MTUS2: variants seen among roughly 807,000 people sequenced by gnomAD.
MTUS2 encodes the protein microtubule-associated tumor suppressor candidate 2.
MTUS2 carries 40 observed loss-of-function variants against 114.1 expected under a neutral mutation model. The ratio of observed to expected loss-of-function variants is 0.35; its 90% confidence interval spans 0.27 to 0.46. MTUS2 has a LOEUF of 0.46. Among genes scored for constraint, MTUS2 ranks in the 20% least tolerant of loss-of-function variants. The pLI is 1.00. For missense variants in MTUS2, 1,679 were observed against 1,705.4 expected (o/e 0.98, Z 0.27); for synonymous variants, 688 against 672.0 (o/e 1.02, Z -0.37).
chr13:29,229,396 A>G (rs1896236852), intron 5 of MTUS2, among the ~76,000 whole-genome samples: 1 of 152,204 alleles, frequency 6.6e-6, no homozygotes, highest in African/African-American at 2.4e-5. Flanking sequence ...TTCAGGGTCA[A>G]GGACACTTTT....
intron 5 of MTUS2, among the ~76,000 whole-genome samples, chr13:29,238,002 C>T (rs1026091240): frequency 4.6e-5 from 7 of 152,138 alleles, no homozygotes; most frequent in African/African-American, 1.7e-4. Context: ...TTATGGATAA[C>T]AGTATGGAGG....
rs544886750 is a variant in MTUS2, at chr13:29,075,946, C to A, written c.2447-24827C>A. Among the ~76,000 whole-genome samples the A allele has an allele frequency of 3.3e-5, 5 of 152,296 alleles. No homozygotes were observed. The South Asian group carries it at 1.0e-3, about 32-fold the overall frequency. On this transcript the variant is annotated intron_variant, in intron 4 of 15. Coordinates refer to ENST00000612955, the MANE Select transcript of MTUS2 (RefSeq NM_001033602.4). ...TCTTTAGCTTATCCTTCTACTCTTA[C>A]ACTTTACCAGAAGAGTGAGAAGAAG...
chr13:29,376,063 A>G (rs1270668170), intron 8 of MTUS2, among the ~76,000 whole-genome samples: 3 of 151,890 alleles, frequency 2.0e-5, no homozygotes, highest in Non-Finnish European at 4.4e-5. Flanking sequence ...GTGTGTGTAT[A>G]TATATTTATT....
chr13:29,440,521 G>A (rs537561512), intron 9 of MTUS2, among the ~76,000 whole-genome samples: 109 of 152,212 alleles, frequency 7.2e-4, no homozygotes, highest in African/African-American at 2.4e-3. Flanking sequence ...CTGATGAAAC[G>A]GTTTGGTTCA....
At chr13:28,971,531 CAGTA>C (rs1214808063) in intron 2 of MTUS2, among the ~76,000 whole-genome samples, 2 of 152,100 alleles carry the variant, frequency 1.3e-5, no homozygotes, top group East Asian at 3.8e-4. Context: ...AGGACTTCAA[CAGTA>C]AGAGCTATAT....
rs968606879 is a variant in MTUS2 at position 29,175,545 on chromosome 13, C to T, written c.2644+74575C>T. On this transcript the variant is annotated intron_variant, in intron 5 of 15. Transcript: ENST00000612955. ...CCTGTGTAGATATCTGTCATTACTGCTTTGTGCTGACCATCAGTGACTTTG... is the reference window on the plus strand; with the variant it reads ...CCTGTGTAGATATCTGTCATTACTGTTTTGTGCTGACCATCAGTGACTTTG... 3.1e-4 allele frequency among the ~76,000 whole-genome samples: 47 copies of T among 151,194 alleles called. 1 individual carries two copies. Among genetic ancestry groups the T allele is most frequent in the Admixed American group, 2.6e-3 (40 of 15,166 alleles).
At chr13:29,394,541 T>C (rs919456554) in intron 8 of MTUS2, among the ~76,000 whole-genome samples, 1 of 152,134 alleles carries the variant, frequency 6.6e-6, no homozygotes, top group South Asian at 2.1e-4. Flanking sequence ...AGAGAATACA[T>C]GGTAAATGTC....
intron 2 of MTUS2, among the ~76,000 whole-genome samples, chr13:28,901,764 AT>A (rs1052688661): frequency 1.3e-5 from 2 of 152,180 alleles, no homozygotes; most frequent in African/African-American, 4.8e-5. Context: ...TACTGTAGCA[AT>A]AAAGTAAGTC....
chr13:28,983,529 A>G (rs1363753694), intron 2 of MTUS2, among the ~76,000 whole-genome samples: 1 of 152,256 alleles, frequency 6.6e-6, no homozygotes, highest in Non-Finnish European at 1.5e-5. Context: ...GGTCAATGAA[A>G]TGTATTATTA....
chr13:28,945,908 A>G (rs1160582860), intron 2 of MTUS2, among the ~76,000 whole-genome samples: 1 of 152,206 alleles, frequency 6.6e-6, no homozygotes, highest in East Asian at 1.9e-4. Context: ...AATGTCCAGA[A>G]GAGTTTTCTG....
intron 9 of MTUS2, among the ~76,000 whole-genome samples, chr13:29,457,039 G>C (rs193054725): frequency 6.6e-6 from 1 of 151,870 alleles, no homozygotes; most frequent in East Asian, 1.9e-4. Flanking sequence ...CAGCTACTCG[G>C]GAGGCTGAGG....
chr13:29,290,371 C>T (rs1265402832), intron 6 of MTUS2, among the ~76,000 whole-genome samples: 3 of 152,076 alleles, frequency 2.0e-5, no homozygotes, highest in Non-Finnish European at 4.4e-5. Flanking sequence ...GCTCTGTCTC[C>T]CAGGCTGGAG....
chr13:29,499,896 C>G (rs1882777018), intron 14 of MTUS2, among the ~76,000 whole-genome samples: 1 of 152,260 alleles, frequency 6.6e-6, no homozygotes, highest in African/African-American at 2.4e-5. Flanking sequence ...CGCCAAGATT[C>G]TGGGCGATGC....
At chr13:29,008,817 A>AT (rs1240120173) in intron 2 of MTUS2, among the ~76,000 whole-genome samples, 5 of 151,260 alleles carry the variant, frequency 3.3e-5, no homozygotes, top group South Asian at 2.1e-4. Context: ...GCATATTGTA[A>AT]TTTTTTTTCT....
intron 4 of MTUS2, among the ~76,000 whole-genome samples, chr13:29,093,227 G>A (rs1206156361): frequency 1.3e-5 from 2 of 152,150 alleles, no homozygotes; most frequent in African/African-American, 4.8e-5. Context: ...GGCAGATCAC[G>A]AGGTCAAGAG....
At chr13:28,831,782 A>T (rs970213510) in intron 1 of MTUS2, among the ~76,000 whole-genome samples, 10 of 151,190 alleles carry the variant, frequency 6.6e-5, no homozygotes, top group Non-Finnish European at 1.3e-4. Context: ...TTTGAGACAG[A>T]GTCTCACTCT....
intron 1 of MTUS2, among the ~76,000 whole-genome samples, chr13:28,836,971 C>G (rs1441471239): frequency 6.6e-6 from 1 of 152,160 alleles, no homozygotes; most frequent in South Asian, 2.1e-4. Context: ...GATCTGCCCC[C>G]CTTAGTCTCC....
intron 2 of MTUS2, among the ~76,000 whole-genome samples, chr13:28,859,227 C>T (rs1313149221): frequency 1.3e-5 from 2 of 152,168 alleles, no homozygotes; most frequent in Non-Finnish European, 2.9e-5. Flanking sequence ...TTGCCCTGTT[C>T]AGTGGTCAGT....
chr13:28,936,450 TC>T (rs1881903138), intron 2 of MTUS2, among the ~76,000 whole-genome samples: 1 of 152,248 alleles, frequency 6.6e-6, no homozygotes, highest in Non-Finnish European at 1.5e-5. Flanking sequence ...TGCCTGTGGC[TC>T]ACAGCTAAGG....
Sources: gnomAD v4.1 joint callset for allele counts (sites outside exome capture counted in the v4.1 genomes callset) on GRCh38, gnomAD v4.1.1 for gene constraint, MANE v1.5 for transcripts, NCBI Gene and HGNC (gene_info 2026-07-23, HGNC 2026-07-21) for gene names.